SDK2: variants seen among roughly 807,000 people sequenced by gnomAD.
SDK2 encodes the protein sidekick cell adhesion molecule 2.
A neutral mutation model predicts 253.9 loss-of-function variants in SDK2; 105 were observed. The ratio of observed to expected loss-of-function variants is 0.41; its 90% CI spans 0.35 to 0.49. SDK2 has a LOEUF of 0.49. Among genes scored for constraint, SDK2 ranks in the 20% least tolerant of loss-of-function variants. SDK2 has a pLI of 0.06. For synonymous variants in SDK2, 1,249 were observed against 1,234.9 expected (o/e 1.01, Z -0.24); for missense variants, 2,608 against 3,003.0 (o/e 0.87, Z 3.07).
intron 40 of SDK2, among the ~76,000 whole-genome samples, chr17:73,357,136 A>G (rs1355353366): frequency 1.3e-5 from 2 of 152,222 alleles, no homozygotes; most frequent in African/African-American, 4.8e-5. Flanking sequence ...CGCTATATGC[A>G]ACTGCGATTA....
intron 1 of SDK2, among the ~76,000 whole-genome samples, chr17:73,507,958 A>C (rs535444924): frequency 6.6e-6 from 1 of 152,284 alleles, no homozygotes; most frequent in East Asian, 1.9e-4. Context: ...CAAGAGGGGC[A>C]CTTTCTGTGG....
chr17:73,442,995 A>T (rs1292592959), intron 5 of SDK2, among the ~76,000 whole-genome samples: 1 of 152,092 alleles, frequency 6.6e-6, no homozygotes, highest in Non-Finnish European at 1.5e-5. Context: ...TGCCTGATCC[A>T]TGGCTCCTGA....
intron 2 of SDK2, among the ~76,000 whole-genome samples, chr17:73,483,479 TTGTG>T (rs146198916): frequency 0.38 from 48,580 of 127,176 alleles, 9,501 homozygotes; most frequent in East Asian, 0.45. Flanking sequence ...TGGCTAATCT[TTGTG>T]TGTGTGTGTG....
chr17:73,579,569 C>A (rs1008094441), intron 1 of SDK2, among the ~76,000 whole-genome samples: 1 of 152,196 alleles, frequency 6.6e-6, no homozygotes, highest in African/African-American at 2.4e-5. Context: ...GAAGTCCTAA[C>A]CCCTGCACCT....
In SDK2 at chr17:73,395,313, C is replaced by T. The variant is rs764366177; in HGVS notation, c.3434G>A (p.Gly1145Asp). ...CTGCACCACGTGGCTCAGCGTCTTG[C>T]CATGCCCGTCTGACCGGCTGTACTT... ...KIKYSRSDGH[G>D]KTLSHVVQDR... The change falls in exon 25 of 45, where the codon GGC becomes GAC. Residue 1145 changes from glycine to aspartate, a missense_variant. Gly to Asp is a moderately conservative substitution (Grantham distance 94). This residue lies in a region of SDK2 where 1,505 missense variants were observed against 1,859.1 expected (regional missense o/e 0.81). Coordinates refer to ENST00000392650, the MANE Select transcript of SDK2 (RefSeq NM_001144952.2). The surrounding 1 kb of genome is among the most constrained non-coding windows in gnomAD (Gnocchi z 4.3). 3 of 1,613,986 alleles carry T rather than the reference C, an allele frequency of 1.9e-6. No individual in the cohort carries two copies. In the South Asian group the frequency reaches 3.3e-5, roughly 18 times the overall value.
At chr17:73,402,852 C>CA (rs2063039990) in intron 18 of SDK2, among the ~76,000 whole-genome samples, 1 of 152,068 alleles carries the variant, frequency 6.6e-6, no homozygotes, top group Non-Finnish European at 1.5e-5. Flanking sequence ...GGCTGCAGTA[C>CA]AGTGGCAAGA....
intron 1 of SDK2, among the ~76,000 whole-genome samples, chr17:73,633,993 C>T (rs946492170): frequency 1.3e-5 from 2 of 151,928 alleles, no homozygotes; most frequent in Non-Finnish European, 2.9e-5. Flanking sequence ...CAGGTAGGGC[C>T]AGATTGTGGA....
rs1201724668 is a variant in SDK2, at chr17:73,511,903, ATGTGTGCAGGTGTGTG to A, written c.65-4322_65-4307del. Among the ~76,000 whole-genome samples, 9 of 152,162 alleles carry A rather than the reference ATGTGTGCAGGTGTGTG, an allele frequency of 5.9e-5. No homozygotes were observed. Among genetic ancestry groups the A allele is most frequent in the Admixed American group, 5.2e-4 (8 of 15,304 alleles). On this transcript the variant is annotated intron_variant, in intron 1 of 44. Coordinates refer to ENST00000392650, the MANE Select transcript of SDK2 (RefSeq NM_001144952.2). This position sits in a 1 kb window ranked among gnomAD's most constrained non-coding sequence, Gnocchi z 4.9. ...GACGTGTCTATGTGTGCACGTGTTT[ATGTGTGCAGGTGTGTG>A]TGTGTGCAGGTGTGTCTGCATGTAT...
chr17:73,500,880 CCCTCCATCT>C (rs1426987871), intron 2 of SDK2, among the ~76,000 whole-genome samples: 3 of 151,992 alleles, frequency 2.0e-5, no homozygotes, highest in African/African-American at 7.2e-5. Context: ...CATCCATCCT[CCCTCCATCT>C]CCTCCATCCT....
chr17:73,460,857 A>C (rs1225656128), intron 3 of SDK2, among the ~76,000 whole-genome samples: 2 of 152,268 alleles, frequency 1.3e-5, no homozygotes, highest in Admixed American at 1.3e-4. Flanking sequence ...CTACTTAAAA[A>C]ACTTTTCACA....
intron 16 of SDK2, among the ~76,000 whole-genome samples, chr17:73,418,827 C>A (rs1183817655): frequency 6.6e-6 from 1 of 152,138 alleles, no homozygotes; most frequent in Admixed American, 6.5e-5. Flanking sequence ...CAAGAGAATT[C>A]TGGCCTGTGA....
chr17:73,617,090 G>C (rs545962701), intron 1 of SDK2, among the ~76,000 whole-genome samples: 2 of 152,030 alleles, frequency 1.3e-5, no homozygotes, highest in Non-Finnish European at 2.9e-5. Flanking sequence ...AGCTGACCTC[G>C]CACTGAGCAA....
At chr17:73,368,797 G>C (rs2062709024) in intron 36 of SDK2, among the ~76,000 whole-genome samples, 1 of 152,118 alleles carries the variant, frequency 6.6e-6, no homozygotes, top group African/African-American at 2.4e-5. Context: ...ATCACTTGAG[G>C]CCAGGAGTTC....
chr17:73,353,424 T>C (rs1229834326), intron 40 of SDK2, among the ~76,000 whole-genome samples: 2 of 152,186 alleles, frequency 1.3e-5, no homozygotes, highest in African/African-American at 4.8e-5. Context: ...CTATTTTTCT[T>C]TTTTCTTTGT....
At chr17:73,350,864 C>A in intron 41 of SDK2, 74 bp from the exon 42 acceptor site, 1 of 1,469,108 alleles carries the variant, frequency 6.8e-7, no homozygotes, top group Admixed American at 2.1e-5. Context: ...CCAGTTGGGA[C>A]CCTACTAACT....
intron 21 of SDK2, among the ~76,000 whole-genome samples, chr17:73,399,599 G>A (rs528903261): frequency 6.6e-6 from 1 of 152,282 alleles, no homozygotes; most frequent in South Asian, 2.1e-4. Context: ...ATGTGAGTGA[G>A]GTAATCATAA....
At chr17:73,504,631 C>CAAAAAAAAA (rs146981971) in intron 2 of SDK2, among the ~76,000 whole-genome samples, 6 of 47,022 alleles carry the variant, frequency 1.3e-4, no homozygotes, top group Admixed American at 2.9e-4. Context: ...GACTCTGTCT[C>CAAAAAAAAA]AAAAAAAAAA....
rs117772771 is a variant in SDK2, at chr17:73,458,013, C to T, written c.332-1960G>A. ...ATTATTTTAGAGACAGGGTCTCGCT[C>T]TATCATTCAGGCTGGAGCACAGTGG... On this transcript the variant is annotated intron_variant, in intron 3 of 44. Transcript: ENST00000392650. 9.0e-3 allele frequency among the ~76,000 whole-genome samples: 1,368 copies of T among 152,262 alleles called. 13 individuals are homozygous for T. The highest frequency in any genetic ancestry group is 0.024 in the Middle Eastern group (7 of 294).
intron 1 of SDK2, among the ~76,000 whole-genome samples, chr17:73,527,669 C>T (rs1346235482): frequency 6.6e-6 from 1 of 152,198 alleles, no homozygotes; most frequent in Non-Finnish European, 1.5e-5. Context: ...GTTTTCTGCA[C>T]CCCTCCTGGC....
Sources: allele counts gnomAD v4.1 joint callset (sites outside exome capture counted in the v4.1 genomes callset), GRCh38; gene constraint gnomAD v4.1.1; regional missense constraint gnomAD v4.1.1; non-coding constraint Gnocchi (gnomAD v3.1); transcripts MANE v1.5; gene names NCBI Gene and HGNC (gene_info 2026-07-23, HGNC 2026-07-21).